Variants in BBS2 observed in about 807,000 individuals in gnomAD.
BBS2 encodes the protein Bardet-Biedl syndrome 2.
A neutral mutation model predicts 83.0 loss-of-function variants in BBS2; 62 were observed. The ratio of observed to expected loss-of-function variants is 0.75; its 90% CI spans 0.61 to 0.92. The LOEUF (loss-of-function observed/expected upper bound fraction) is 0.92, where lower values mean the gene tolerates loss of function less well. Among genes scored for constraint, BBS2 ranks in the 40% least tolerant of loss-of-function variants. The pLI, the probability that BBS2 is intolerant of heterozygous loss-of-function variation, is 0.00. For synonymous variants in BBS2, 303 were observed against 326.1 expected (o/e 0.93, Z 0.76); for missense variants, 784 against 901.0 (o/e 0.87, Z 1.66).
intron 11 of BBS2, 163 bp downstream of exon 11, chr16:56,500,691 G>A (rs757488658): frequency 3.0e-6 from 2 of 662,464 alleles, no homozygotes; most frequent in Non-Finnish European, 5.2e-6. Context: ...CTTTTTACAG[G>A]TTTCAAACTG....
intron 1 of BBS2, among the ~76,000 whole-genome samples, chr16:56,517,821 CTTTTT>C (rs11429010): frequency 7.2e-6 from 1 of 138,080 alleles, no homozygotes; most frequent in Non-Finnish European, 1.6e-5. Flanking sequence ...TTTGTCAGTG[CTTTTT>C]TTTTTTTTTT....
chr16:56,511,407 G>A, intron 2 of BBS2, 123 bp from the exon 3 acceptor site: 1 of 1,365,932 alleles, frequency 7.3e-7, no homozygotes, highest in Non-Finnish European at 1.0e-6. Flanking sequence ...TCCATAATGT[G>A]GGTGGGCCTC....
rs780862523 is a variant in BBS2 at position 56,519,739 on chromosome 16, C to T, written c.117+7G>A. 1.9e-5 allele frequency: 30 copies of T among 1,608,944 alleles called. No individual in the cohort carries two copies. Among genetic ancestry groups the T allele is most frequent in the Non-Finnish European group, 2.6e-5 (30 of 1,176,140 alleles). ...GGCCCGGGCTCCCTGCGGGTGGGAGCGGTTACCTTGCCCGTTTGGGTGGCG... is the reference window on the plus strand; with the variant it reads ...GGCCCGGGCTCCCTGCGGGTGGGAGTGGTTACCTTGCCCGTTTGGGTGGCG... On this transcript the variant is annotated splice_region_variant and intron_variant, in intron 1 of 16. Coordinates refer to ENST00000245157, the MANE Select transcript of BBS2 (RefSeq NM_031885.5).
chr16:56,507,789 G>A (rs999508460), intron 5 of BBS2, among the ~76,000 whole-genome samples: 3 of 151,984 alleles, frequency 2.0e-5, no homozygotes, highest in East Asian at 1.9e-4. Flanking sequence ...CCAACATGAC[G>A]AAACCCCATC....
At chr16:56,481,237 G>A (rs114666637), downstream of BBS2, among the ~76,000 whole-genome samples, 94 of 152,038 alleles carry the variant, frequency 6.2e-4, no homozygotes, top group African/African-American at 2.1e-3. Context: ...GCTGACAGGC[G>A]TATTAAGGAC....
intron 17 of BBS2, chr16:56,474,811 T>C (rs757369210): frequency 1.1e-4 from 101 of 948,244 alleles, no homozygotes; most frequent in Non-Finnish European, 1.4e-4. Context: ...GTTTCTCATC[T>C]TTTTTTTTTT....
intron 12 of BBS2, 119 bp from the exon 13 acceptor site, chr16:56,498,687 A>C (rs762307394): frequency 1.3e-6 from 2 of 1,565,812 alleles, no homozygotes; most frequent in East Asian, 4.7e-5. Flanking sequence ...CCTTCTTTCT[A>C]GTTTTACTGC....
At chr16:56,509,056 G>A (rs1964505074) in intron 5 of BBS2, among the ~76,000 whole-genome samples, 1 of 152,176 alleles carries the variant, frequency 6.6e-6, no homozygotes, top group Non-Finnish European at 1.5e-5. Context: ...CTACAGAAAT[G>A]TGCCAAAGAA....
chr16:56,515,319 C>T (rs1964702665), intron 1 of BBS2, among the ~76,000 whole-genome samples: 1 of 152,196 alleles, frequency 6.6e-6, no homozygotes, highest in Non-Finnish European at 1.5e-5. Flanking sequence ...CTTTCCTAGA[C>T]TTCACCTGTA....
intron 15 of BBS2, among the ~76,000 whole-genome samples, chr16:56,486,548 T>G (rs1479778905): frequency 6.6e-6 from 1 of 152,138 alleles, no homozygotes; most frequent in Non-Finnish European, 1.5e-5. Flanking sequence ...TGCAGCAACA[T>G]GGATGAATCT....
chr16:56,509,786 T>G, intron 5 of BBS2, 171 bp downstream of exon 5: 2 of 620,176 alleles, frequency 3.2e-6, no homozygotes, highest in Non-Finnish European at 5.7e-6. Flanking sequence ...TAATTAGGAT[T>G]TTTATTGCTT....
intron 11 of BBS2, chr16:56,500,397 G>A (rs966860838): frequency 5.8e-5 from 14 of 242,990 alleles, no homozygotes; most frequent in South Asian, 3.5e-4. Context: ...AAGCCAAGGC[G>A]GGTGGATCAC....
In BBS2 at chr16:56,519,732, G is replaced by A. The variant is rs372785118; in HGVS notation, c.117+14C>T. The A allele has an allele frequency of 1.3e-5, 21 of 1,595,914 alleles. No individual in the cohort carries two copies. The African/African-American group carries it at 2.5e-4, about 19-fold the overall frequency. On this transcript the variant is annotated intron_variant, in intron 1 of 16. Coordinates refer to ENST00000245157, the MANE Select transcript of BBS2 (RefSeq NM_031885.5). ...TCCCTGGGGCCCGGGCTCCCTGCGGGTGGGAGCGGTTACCTTGCCCGTTTG... is the reference window on the plus strand; with the variant it reads ...TCCCTGGGGCCCGGGCTCCCTGCGGATGGGAGCGGTTACCTTGCCCGTTTG...
intron 3 of BBS2, 50 bp downstream of exon 3, chr16:56,511,109 A>G (rs759586445): frequency 1.5e-5 from 24 of 1,611,672 alleles, no homozygotes; most frequent in Non-Finnish European, 2.0e-5. Flanking sequence ...AAAGAACATT[A>G]AAAGTAAAAA....
intron 2 of BBS2, 126 bp downstream of exon 2, chr16:56,514,327 T>C: frequency 2.3e-6 from 2 of 867,726 alleles, no homozygotes; most frequent in Non-Finnish European, 3.7e-6. Context: ...AATCTCCATG[T>C]TGTTTACCTA....
chr16:56,484,924 T>C, intron 16 of BBS2, 57 bp from the exon 17 acceptor site: 1 of 1,343,628 alleles, frequency 7.4e-7, no homozygotes, highest in Non-Finnish European at 1.1e-6. Flanking sequence ...ATTATAAAAT[T>C]AGACGTCAGT....
downstream of BBS2, among the ~76,000 whole-genome samples, chr16:56,484,044 T>A (rs2144090883): frequency 6.9e-6 from 1 of 144,738 alleles, no homozygotes; most frequent in African/African-American, 2.6e-5. Flanking sequence ...AGTCTTGCTG[T>A]CGCCCAGACT....
In BBS2 at chr16:56,519,785, C is replaced by T. The variant is rs759629466; in HGVS notation, c.78G>A (p.Gly26=). ...TGGCGGCCGCCAGGCACGGGTGAGT[C>T]CCGTCGTAGCGCCCTATGGCCACCA... ...PRMVAIGRYD[G]THPCLAAATQ... Residue 26 remains glycine, a synonymous_variant, in exon 1 of 17, where the codon GGG becomes GGA. Coordinates refer to ENST00000245157, the MANE Select transcript of BBS2 (RefSeq NM_031885.5). 4 of 1,613,580 alleles carry T rather than the reference C, an allele frequency of 2.5e-6. No individual in the cohort carries two copies. The African/African-American group carries it at 4.0e-5, about 16-fold the overall frequency.
chr16:56,498,572 G>T lies in BBS2; in HGVS notation c.1528-4C>A. The T allele has an allele frequency of 6.2e-7, 1 of 1,613,766 alleles. No individual in the cohort carries two copies. The highest frequency in any genetic ancestry group is 1.1e-5 in the South Asian group (1 of 91,056). ...TCTGACCGAGCCATACAACAACCTT[G>T]AAAATGAACACAATGAAATGACCTC... is the stretch of plus-strand genomic sequence containing the variant. On this transcript the variant is annotated splice_region_variant and splice_polypyrimidine_tract_variant and intron_variant, in intron 12 of 16. Coordinates refer to ENST00000245157, the MANE Select transcript of BBS2 (RefSeq NM_031885.5).
Sources: gnomAD v4.1 joint callset for allele counts (sites outside exome capture counted in the v4.1 genomes callset) on GRCh38, gnomAD v4.1.1 for gene constraint, MANE v1.5 for transcripts, NCBI Gene and HGNC (gene_info 2026-07-23, HGNC 2026-07-21) for gene names.